FAT3: variants seen among roughly 807,000 people sequenced by gnomAD.
The protein encoded by FAT3 is FAT atypical cadherin 3.
A neutral mutation model predicts 310.2 loss-of-function variants in FAT3; 95 were observed. The observed-to-expected ratio is 0.31, with a 90% CI of 0.26 to 0.36. The LOEUF is 0.36. FAT3 is among the 10% of genes least tolerant of loss of function. The pLI, the probability that FAT3 is intolerant of heterozygous loss-of-function variation, is 1.00. For missense variants in FAT3, 5,408 were observed against 5,715.6 expected (o/e 0.95, Z 1.74); for synonymous variants, 2,314 against 2,192.9 (o/e 1.06, Z -1.54).
In FAT3 at chr11:92,734,636, A is replaced by G. The variant is rs147818534; in HGVS notation, c.3670-27220A>G. 1.3e-3 allele frequency among the ~76,000 whole-genome samples: 195 copies of G among 152,298 alleles called. 2 individuals carry two copies. The highest frequency in any genetic ancestry group is 0.012 in the Admixed American group (180 of 15,286). On this transcript the variant is annotated intron_variant, in intron 4 of 27. Coordinates refer to ENST00000525166, the MANE Select transcript of FAT3 (RefSeq NM_001367949.2). ...AATGCTCTTATTTGCTTGGAACACTATAAGTACTCAAAAATGAAGAAAAAG... is the reference window on the plus strand; with the variant it reads ...AATGCTCTTATTTGCTTGGAACACTGTAAGTACTCAAAAATGAAGAAAAAG...
At chr11:92,857,391 C>A in intron 20 of FAT3, 43 bp downstream of exon 20, 1 of 1,609,926 alleles carries the variant, frequency 6.2e-7, no homozygotes, top group Non-Finnish European at 8.5e-7. Context: ...TTTCATATTC[C>A]TGAAACACTT....
At chr11:92,698,457 C>T (rs561377501) in intron 4 of FAT3, among the ~76,000 whole-genome samples, 48 of 152,236 alleles carry the variant, frequency 3.2e-4, no homozygotes, top group Middle Eastern at 3.4e-3. Context: ...TGCCTTGAAC[C>T]TTAGTTTCCC....
At chr11:92,345,810 C>CT (rs1157741893) in intron 1 of FAT3, among the ~76,000 whole-genome samples, 3 of 152,136 alleles carry the variant, frequency 2.0e-5, no homozygotes, top group Admixed American at 2.0e-4. Flanking sequence ...AATAGGCAAG[C>CT]TGTGTGACCT....
In FAT3 at chr11:92,883,447, G is replaced by A. The variant is rs1360629506; in HGVS notation, c.12937+54G>A. The A allele has an allele frequency of 3.9e-6, 6 of 1,549,306 alleles. No individual in the cohort carries two copies. The African/African-American group carries it at 8.2e-5, about 21-fold the overall frequency. ...TCGGTGCTTACAGGGAACCTGCAGG[G>A]GCGCTGTGCGAGGACGCTACGGGAA... On this transcript the variant is annotated intron_variant, in intron 24 of 27. Coordinates refer to ENST00000525166, the MANE Select transcript of FAT3 (RefSeq NM_001367949.2). This position sits in a 1 kb window ranked among gnomAD's most constrained non-coding sequence, Gnocchi z 4.2.
intron 4 of FAT3, among the ~76,000 whole-genome samples, chr11:92,760,393 A>C (rs1946114803): frequency 6.6e-6 from 1 of 152,190 alleles, no homozygotes; most frequent in South Asian, 2.1e-4. Flanking sequence ...TAGGTGAAAA[A>C]ATAGCTGACC....
chr11:92,560,274 C>T (rs1345757365), intron 3 of FAT3, among the ~76,000 whole-genome samples: 2 of 152,058 alleles, frequency 1.3e-5, no homozygotes, highest in Non-Finnish European at 2.9e-5. Context: ...TGTTTAAGTA[C>T]TTCAAAATTG....
At chr11:92,455,813 A>G (rs191838773) in intron 2 of FAT3, among the ~76,000 whole-genome samples, 2 of 152,216 alleles carry the variant, frequency 1.3e-5, no homozygotes, top group Admixed American at 6.5e-5. Context: ...TATTAGCCCA[A>G]TAAACACACA....
intron 1 of FAT3, among the ~76,000 whole-genome samples, chr11:92,316,772 A>G (rs1368231257): frequency 6.6e-6 from 1 of 152,220 alleles, no homozygotes; most frequent in Non-Finnish European, 1.5e-5. Context: ...GGTTTAGGGA[A>G]GGTCTGTGAG....
intron 3 of FAT3, among the ~76,000 whole-genome samples, chr11:92,622,392 C>T (rs1941128670): frequency 6.6e-6 from 1 of 151,920 alleles, no homozygotes; most frequent in Non-Finnish European, 1.5e-5. Context: ...TGATTATAAA[C>T]AATAATCCCA....
chr11:92,759,353 C>A (rs182515521), intron 4 of FAT3, among the ~76,000 whole-genome samples: 33 of 152,290 alleles, frequency 2.2e-4, no homozygotes, highest in African/African-American at 7.9e-4. Context: ...TGCAGTTTAT[C>A]CACTTAAGTG....
chr11:92,529,218 A>T (rs1425387325), intron 3 of FAT3, among the ~76,000 whole-genome samples: 1 of 152,198 alleles, frequency 6.6e-6, no homozygotes, highest in Non-Finnish European at 1.5e-5. Context: ...ACAAAAAAAG[A>T]GTGGAGCTTT....
At chr11:92,818,088 C>G (rs1381685468) in intron 13 of FAT3, among the ~76,000 whole-genome samples, 1 of 152,136 alleles carries the variant, frequency 6.6e-6, no homozygotes, top group Admixed American at 6.5e-5. Context: ...ACCTGCAGCC[C>G]TAGACACTCC....
chr11:92,231,479 TTG>T (rs1436669413), intron 1 of FAT3, among the ~76,000 whole-genome samples: 1 of 152,174 alleles, frequency 6.6e-6, no homozygotes, highest in South Asian at 2.1e-4. Flanking sequence ...CTTTTCTTTT[TTG>T]AGATGTTGGA....
chr11:92,293,884 G>A (rs760093705), intron 1 of FAT3, among the ~76,000 whole-genome samples: 1 of 152,006 alleles, frequency 6.6e-6, no homozygotes, highest in Non-Finnish European at 1.5e-5. Flanking sequence ...TTTGAGAAGA[G>A]GAAAGGCAGT....
chr11:92,660,825 T>G (rs1942754977), intron 3 of FAT3, among the ~76,000 whole-genome samples: 1 of 152,196 alleles, frequency 6.6e-6, no homozygotes. Context: ...ATCATATAGC[T>G]GTCACTTAGA....
chr11:92,331,121 A>G (rs1174854694), intron 1 of FAT3, among the ~76,000 whole-genome samples: 1 of 152,102 alleles, frequency 6.6e-6, no homozygotes, highest in Non-Finnish European at 1.5e-5. Context: ...TGTCAGATAA[A>G]ATATATAATT....
At chr11:92,578,877 T>C (rs191557510) in intron 3 of FAT3, among the ~76,000 whole-genome samples, 4 of 151,632 alleles carry the variant, frequency 2.6e-5, no homozygotes, top group Admixed American at 1.3e-4. Context: ...TAATATATCA[T>C]AAAAAAAATG....
At position 92,844,551 on chromosome 11, in the gene FAT3, C is replaced by A. The variant is rs117144267; in HGVS notation, c.11184C>A (p.His3728Gln). 1.2e-6 allele frequency: 2 copies of A among 1,613,882 alleles called. No individual in the cohort carries two copies. The highest frequency in any genetic ancestry group is 2.7e-5 in the African/African-American group (2 of 74,910). The stretch of plus-strand genomic sequence containing the variant: ...AGAAGCTGTCCAATGCTAGAAGACA[C>A]CTGGAGAATATCATGCGCATCTCAG... ...LIQKLSNARR[H>Q]LENIMRISAI... The change falls in exon 19 of 28, where the codon CAC becomes CAA. Residue 3728 changes from histidine to glutamine, a missense_variant. His to Gln is a conservative substitution (Grantham distance 24). Coordinates refer to ENST00000525166, the MANE Select transcript of FAT3 (RefSeq NM_001367949.2).
At chr11:92,409,830 T>C (rs1950214163) in intron 2 of FAT3, among the ~76,000 whole-genome samples, 1 of 152,190 alleles carries the variant, frequency 6.6e-6, no homozygotes, top group African/African-American at 2.4e-5. Context: ...TTTTCTTTTG[T>C]GTTTTGCCAG....
Sources: allele counts gnomAD v4.1 joint callset (sites outside exome capture counted in the v4.1 genomes callset), GRCh38; gene constraint gnomAD v4.1.1; non-coding constraint Gnocchi (gnomAD v3.1); transcripts MANE v1.5; gene names NCBI Gene and HGNC (gene_info 2026-07-23, HGNC 2026-07-21).